SLC38A2: variants seen among roughly 807,000 people sequenced by gnomAD.
SLC38A2 encodes solute carrier family 38 member 2.
SLC38A2 carries 11 observed loss-of-function variants against 61.5 expected under a neutral mutation model. That is an observed-to-expected ratio of 0.18 (90% confidence interval 0.11 to 0.30). SLC38A2 has a LOEUF of 0.30. SLC38A2 is among the 10% of genes least tolerant of loss of function. The probability of loss-of-function intolerance (pLI) is 1.00; values close to 1 mark genes in which losing one functional copy is unlikely to be tolerated. For synonymous variants in SLC38A2, 217 were observed against 212.5 expected, an observed-to-expected ratio of 1.02 and a Z score of -0.18; for missense variants, 522 against 600.4, an observed-to-expected ratio of 0.87 and a Z score of 1.36.
At chr12:46,365,322 T>A (rs1943128725) in intron 7 of SLC38A2, 133 bp from the exon 8 acceptor site, 2 of 758,680 alleles carry the variant, frequency 2.6e-6, no homozygotes, top group African/African-American at 3.6e-5. Flanking sequence ...GGAAAAAGTT[T>A]CCCCTGTTCA....
Position 46,372,590 on chromosome 12 carries a change from T to C in SLC38A2, c.-168A>G, listed in dbSNP as rs1451329767. On this transcript the variant is annotated 5_prime_UTR_variant, in exon 1 of 16. Transcript: ENST00000256689. ...CAAATCATAAAAAACAAACAAAAAA[T>C]TTCCCCAAATCCAACAACAGGCAGG... 6.0e-5 allele frequency: 24 copies of C among 397,696 alleles called. No individual in the cohort carries two copies. The South Asian group carries it at 7.7e-4, about 13-fold the overall frequency. 24.6% of individuals were successfully genotyped at this position (397,696 alleles called of 1,614,324 possible).
intron 12 of SLC38A2, 95 bp from the exon 13 acceptor site, chr12:46,363,240 C>A (rs762821017): frequency 7.5e-7 from 1 of 1,340,672 alleles, no homozygotes; most frequent in East Asian, 2.3e-5. Context: ...TATTTAGCTA[C>A]TCACAAAACG....
At chr12:46,364,281 G>A (rs992961987) in intron 10 of SLC38A2, 108 bp downstream of exon 10, 4 of 1,194,428 alleles carry the variant, frequency 3.3e-6, no homozygotes, top group African/African-American at 1.5e-5. Flanking sequence ...CTAATCACAT[G>A]TTTTCTATAA....
chr12:46,361,006 C>CTGG lies in SLC38A2; in HGVS notation c.*104_*105insCCA. On this transcript the variant is annotated 3_prime_UTR_variant, in exon 16 of 16. Coordinates refer to ENST00000256689, the MANE Select transcript of SLC38A2 (RefSeq NM_018976.5). The stretch of plus-strand genomic sequence containing the variant: ...CAGAAGAACCAGCGAGGAATCTGCA[C>CTGG]TTCAAAAGGAAGTGAAACTGAAAAC... 1.2e-6 allele frequency: 1 copy of CTGG among 855,186 alleles called. No homozygotes were observed. The highest frequency in any genetic ancestry group is 1.9e-6 in the Non-Finnish European group (1 of 540,210). 53.0% of individuals were successfully genotyped at this position (855,186 alleles called of 1,614,324 possible).
intron 5 of SLC38A2, 34 bp from the exon 6 acceptor site, chr12:46,367,202 A>G: frequency 6.3e-7 from 1 of 1,596,562 alleles, no homozygotes; most frequent in Non-Finnish European, 8.6e-7. Flanking sequence ...GAAGCCAAGG[A>G]TTTTAAAAGA....
At chr12:46,364,108 G>A in intron 10 of SLC38A2, 105 bp from the exon 11 acceptor site, 1 of 1,050,124 alleles carries the variant, frequency 9.5e-7, no homozygotes, top group Non-Finnish European at 1.4e-6. Context: ...CAAAGCCTAA[G>A]TTTCCTTTGT....
rs1019184919 is a variant in SLC38A2, at chr12:46,359,670, G to A, written c.*1441C>T. On this transcript the variant is annotated 3_prime_UTR_variant, in exon 16 of 16. Coordinates refer to ENST00000256689, the MANE Select transcript of SLC38A2 (RefSeq NM_018976.5). ...TAATATATTCACCATACACTGTGACGTACGATAAATGTGCTCTTAAAGCCA... is the reference window on the plus strand; with the variant it reads ...TAATATATTCACCATACACTGTGACATACGATAAATGTGCTCTTAAAGCCA... 1 of 152,494 alleles carries A rather than the reference G, an allele frequency of 6.6e-6. No homozygotes were observed. The highest frequency in any genetic ancestry group is 1.5e-5 in the Non-Finnish European group (1 of 68,032). The allele number at this position is 152,494 out of a possible 1,614,324, so 9.4% of individuals were successfully genotyped here.
rs571761462 is a variant in SLC38A2, at chr12:46,359,626, G to A, written c.*1485C>T. 3.9e-5 allele frequency: 6 copies of A among 152,592 alleles called. No individual in the cohort carries two copies. The East Asian group carries it at 7.7e-4, about 20-fold the overall frequency. The allele number at this position is 152,592 out of a possible 1,614,324, so 9.5% of individuals were successfully genotyped here. ...ATTTTAGACATTATGCCTGATGAGC[G>A]AAGTACCACATTATTTAATAATATA... On this transcript the variant is annotated 3_prime_UTR_variant, in exon 16 of 16. Transcript: ENST00000256689.
At chr12:46,366,036 T>C (rs978650720) in intron 7 of SLC38A2, among the ~76,000 whole-genome samples, 8 of 152,190 alleles carry the variant, frequency 5.3e-5, no homozygotes, top group Admixed American at 3.9e-4. Context: ...CACTTCTCTA[T>C]TTTGACGTAA....
chr12:46,370,533 T>C lies in SLC38A2; in HGVS notation c.293A>G (p.Asn98Ser). The C allele has an allele frequency of 1.2e-6, 2 of 1,613,782 alleles. 1 individual carries two copies. Among genetic ancestry groups the C allele is most frequent in the South Asian group, 2.2e-5 (2 of 91,082 alleles). Residue 98 changes from asparagine (N) to serine (S), a missense_variant, in exon 4 of 16, where the codon AAT becomes AGT. Transcript: ENST00000256689. ...TTACATAAAAAGAGCAATTCCAGTA[T>C]TAGCCATGGCATAAGAAAGCCCAAG... ...GILGLSYAMA[N>S]TGIALFIILL...
At chr12:46,371,019 A>C in intron 2 of SLC38A2, 159 bp downstream of exon 2, 1 of 829,050 alleles carries the variant, frequency 1.2e-6, no homozygotes, top group Non-Finnish European at 2.0e-6. Flanking sequence ...CACACCAGCT[A>C]TCTTGTCATT....
intron 4 of SLC38A2, among the ~76,000 whole-genome samples, chr12:46,367,734 T>C (rs978341439): frequency 3.3e-5 from 5 of 152,178 alleles, no homozygotes; most frequent in South Asian, 2.1e-4. Context: ...ATCTGTAAAA[T>C]ATTAGTAATA....
At chr12:46,366,545 A>T (rs976380004) in intron 7 of SLC38A2, among the ~76,000 whole-genome samples, 2 of 152,214 alleles carry the variant, frequency 1.3e-5, no homozygotes, top group African/African-American at 4.8e-5. Context: ...ATGTAATTCA[A>T]AGCTTCAGTC....
rs1161754875 is a variant in SLC38A2 at position 46,359,663 on chromosome 12, C to T, written c.*1448G>A. Reference sequence around the variant, plus strand: ...TATTTAATAATATATTCACCATACACTGTGACGTACGATAAATGTGCTCTT... The same window carrying T: ...TATTTAATAATATATTCACCATACATTGTGACGTACGATAAATGTGCTCTT... On this transcript the variant is annotated 3_prime_UTR_variant, in exon 16 of 16. Coordinates refer to ENST00000256689, the MANE Select transcript of SLC38A2 (RefSeq NM_018976.5). 1 of 152,496 alleles carries T rather than the reference C, an allele frequency of 6.6e-6. No homozygotes were observed. Among genetic ancestry groups the T allele is most frequent in the Non-Finnish European group, 1.5e-5 (1 of 68,004 alleles). 9.4% of individuals were successfully genotyped at this position (152,496 alleles called of 1,614,324 possible).
In SLC38A2 at chr12:46,364,681, C is replaced by T. The variant is rs1338317225; in HGVS notation, c.668G>A (p.Gly223Asp). The change falls in exon 9 of 16, where the codon GGC becomes GAC. Residue 223 changes from glycine to aspartate, a missense_variant. Gly to Asp is a moderately conservative substitution (Grantham distance 94). This residue lies in a region of SLC38A2 where 309 missense variants were observed against 343.9 expected (regional missense o/e 0.90). Transcript: ENST00000256689. ...GAACACCATACACAACAAGGAAAGG[C>T]CACTGGTATATCCCAAATATCCTAT... ...RNLGYLGYTS[G>D]LSLLCMVFFL... 1.2e-6 allele frequency: 2 copies of T among 1,610,542 alleles called. No individual in the cohort carries two copies.
rs772904461 is a variant in SLC38A2 at position 46,371,218 on chromosome 12, A to G, written c.76T>C (p.Phe26Leu). The change falls in exon 2 of 16, where the codon TTC (phenylalanine) becomes CTC (leucine). Residue 26 changes from phenylalanine to leucine, a missense_variant. Transcript: ENST00000256689. ...DSSSYSSNSD[F>L]NYSYPTKQAA... ...TGCTTGGTGGGGTAGGAGTAGTTGA[A>G]GTCGCTGTTGGAACTGTAGCTGCTG... The G allele has an allele frequency of 3.7e-6, 6 of 1,614,250 alleles. No individual in the cohort carries two copies. The highest frequency in any genetic ancestry group is 3.3e-5 in the South Asian group (3 of 91,088).
chr12:46,366,355 T>C (rs1240705205), intron 7 of SLC38A2, among the ~76,000 whole-genome samples: 1 of 152,154 alleles, frequency 6.6e-6, no homozygotes, highest in Non-Finnish European at 1.5e-5. Context: ...TTTTATACAG[T>C]ATTTTAATTA....
At chr12:46,361,509 A>C (rs1039756890) in intron 15 of SLC38A2, among the ~76,000 whole-genome samples, 1 of 151,732 alleles carries the variant, frequency 6.6e-6, no homozygotes, top group African/African-American at 2.4e-5. Context: ...TTTTTTTTGC[A>C]ATTTTTTAGA....
In SLC38A2 at chr12:46,372,681, C is replaced by G. The variant is rs888757118; in HGVS notation, c.-259G>C. On this transcript the variant is annotated 5_prime_UTR_variant, in exon 1 of 16. Transcript: ENST00000256689. ...CCCAATCCTCCGGCGTCCGCCGTGT[C>G]AAGGGAAAGGCGCGAGCGTGCGGTA... 1.5e-5 allele frequency: 6 copies of G among 398,424 alleles called. No individual in the cohort carries two copies. Among genetic ancestry groups the G allele is most frequent in the Non-Finnish European group, 2.7e-5 (6 of 225,988 alleles). The allele number at this position is 398,424 out of a possible 1,614,324, so 24.7% of individuals were successfully genotyped here.
Sources: gnomAD v4.1 joint callset for allele counts (sites outside exome capture counted in the v4.1 genomes callset) on GRCh38, gnomAD v4.1.1 for gene constraint, gnomAD v4.1.1 regional missense constraint, MANE v1.5 for transcripts, NCBI Gene and HGNC (gene_info 2026-07-23, HGNC 2026-07-21) for gene names.